The following KDM4C variants were observed in gnomAD, a reference collection of about 807,000 sequenced individuals.
KDM4C encodes the protein lysine-specific demethylase 4C.
A neutral mutation model predicts 129.3 loss-of-function variants in KDM4C; 81 were observed. The observed-to-expected ratio is 0.63, with a 90% CI of 0.52 to 0.75. The LOEUF (loss-of-function observed/expected upper bound fraction) is 0.75, where lower values mean the gene tolerates loss of function less well. Ranked by LOEUF, KDM4C falls within the 30% of genes least tolerant of loss-of-function variation. The pLI is 0.00. For synonymous variants in KDM4C, 573 were observed against 456.1 expected (o/e 1.26, Z -3.26); for missense variants, 1,457 against 1,304.0 (o/e 1.12, Z -1.81).
chr9:6,784,509 G>A (rs989384829), intron 1 of KDM4C, among the ~76,000 whole-genome samples: 3 of 152,150 alleles, frequency 2.0e-5, no homozygotes, highest in African/African-American at 4.8e-5. Context: ...TGAGATTACA[G>A]GTGTGAGCCA....
chr9:7,104,101 T>C (rs1251130488), intron 18 of KDM4C: 1 of 494,692 alleles, frequency 2.0e-6, no homozygotes, highest in African/African-American at 1.9e-5. Context: ...CTGAGTTGAA[T>C]GAGTGAATGA....
chr9:6,858,604 T>C (rs1427271817), intron 5 of KDM4C, among the ~76,000 whole-genome samples: 1 of 152,228 alleles, frequency 6.6e-6, no homozygotes, highest in Admixed American at 6.5e-5. Context: ...CAAAACCCTC[T>C]GTCTACTAAA....
intron 5 of KDM4C, among the ~76,000 whole-genome samples, chr9:6,865,787 G>T (rs1324928611): frequency 6.6e-6 from 1 of 150,762 alleles, no homozygotes; most frequent in East Asian, 2.0e-4. Flanking sequence ...GTCTCGCTCT[G>T]TCGCCCAGGC....
intron 1 of KDM4C, among the ~76,000 whole-genome samples, chr9:6,746,034 A>G (rs1255401454): frequency 6.6e-6 from 1 of 151,646 alleles, no homozygotes; most frequent in Non-Finnish European, 1.5e-5. Context: ...TTGAACCCCC[A>G]ACCTCAGGTG....
intron 1 of KDM4C, among the ~76,000 whole-genome samples, chr9:6,776,749 A>T (rs1823148466): frequency 1.3e-5 from 2 of 151,728 alleles, no homozygotes; most frequent in Non-Finnish European, 2.9e-5. Flanking sequence ...TTATAGGCAC[A>T]TACCACCACG....
At chr9:6,811,158 GTC>G (rs887638202) in intron 3 of KDM4C, among the ~76,000 whole-genome samples, 4 of 152,100 alleles carry the variant, frequency 2.6e-5, no homozygotes, top group African/African-American at 9.6e-5. Flanking sequence ...CTGCTGGGCT[GTC>G]TTTTTTTTTC....
At chr9:6,926,224 G>GC (rs36170611) in intron 8 of KDM4C, among the ~76,000 whole-genome samples, 35,054 of 151,366 alleles carry the variant, frequency 0.23, 4,735 homozygotes, top group Middle Eastern at 0.41. Context: ...GAGGCTGTAG[G>GC]ACTCAACTGT....
chr9:7,024,978 C>T (rs1375669937), intron 15 of KDM4C, among the ~76,000 whole-genome samples: 1 of 152,210 alleles, frequency 6.6e-6, no homozygotes, highest in African/African-American at 2.4e-5. Flanking sequence ...TATTTCTCCA[C>T]ATCCTCTCCA....
In KDM4C at chr9:6,803,707, A is replaced by C. The variant is rs969619551; in HGVS notation, c.145-1892A>C. Among the ~76,000 whole-genome samples the C allele has an allele frequency of 2.9e-4, 44 of 151,910 alleles. 1 individual carries two copies. The highest frequency in any genetic ancestry group is 1.0e-3 in the African/African-American group (42 of 41,456). On this transcript the variant is annotated intron_variant, in intron 2 of 21. Coordinates refer to ENST00000381309, the MANE Select transcript of KDM4C (RefSeq NM_015061.6). ...CAGATCAGTTGAGCTCAGGAATTTG[A>C]GACCAGCCTGGGCAACATGGCGAAA... is the stretch of plus-strand genomic sequence containing the variant.
At chr9:6,763,851 A>T (rs1209731007) in intron 1 of KDM4C, among the ~76,000 whole-genome samples, 2 of 152,140 alleles carry the variant, frequency 1.3e-5, no homozygotes, top group Non-Finnish European at 2.9e-5. Flanking sequence ...TCCGCCTCCC[A>T]GTTTCAAGCA....
At chr9:6,900,658 C>T (rs1200034265) in intron 8 of KDM4C, among the ~76,000 whole-genome samples, 1 of 152,206 alleles carries the variant, frequency 6.6e-6, no homozygotes, top group African/African-American at 2.4e-5. Context: ...AGCCAATGGA[C>T]ATGTTATTTT....
chr9:6,804,086 G>A (rs1004117024), intron 2 of KDM4C, among the ~76,000 whole-genome samples: 4 of 152,192 alleles, frequency 2.6e-5, no homozygotes, highest in Non-Finnish European at 5.9e-5. Context: ...GCCTCCCAAA[G>A]TGCTAAGGTT....
chr9:6,843,044 C>T (rs1320751317), intron 4 of KDM4C, among the ~76,000 whole-genome samples: 1 of 152,200 alleles, frequency 6.6e-6, no homozygotes, highest in Non-Finnish European at 1.5e-5. Flanking sequence ...ATTCTCGTGC[C>T]TCAGCCTCCC....
At chr9:6,959,189 C>T (rs1829617934) in intron 8 of KDM4C, among the ~76,000 whole-genome samples, 1 of 152,140 alleles carries the variant, frequency 6.6e-6, no homozygotes, top group Admixed American at 6.5e-5. Context: ...AGAAGAGGAG[C>T]ACTAGAGAGC....
intron 5 of KDM4C, among the ~76,000 whole-genome samples, chr9:6,850,716 G>A (rs1338012099): frequency 2.0e-5 from 3 of 151,752 alleles, no homozygotes; most frequent in Non-Finnish European, 4.4e-5. Context: ...ACAGGCATGA[G>A]CCACCACACC....
chr9:6,916,189 G>C (rs1355083677), intron 8 of KDM4C, among the ~76,000 whole-genome samples: 3 of 152,030 alleles, frequency 2.0e-5, no homozygotes, highest in African/African-American at 7.3e-5. Flanking sequence ...TGTTTAGAAG[G>C]GTGGGTGGAG....
intron 2 of KDM4C, among the ~76,000 whole-genome samples, chr9:6,802,392 A>G (rs1031611379): frequency 4.6e-5 from 7 of 152,132 alleles, no homozygotes; most frequent in Non-Finnish European, 8.8e-5. Context: ...CAGTAATTTG[A>G]CTCTTAGAAG....
At chr9:7,006,203 G>T (rs1319691796) in intron 12 of KDM4C, among the ~76,000 whole-genome samples, 1 of 152,166 alleles carries the variant, frequency 6.6e-6, no homozygotes, top group Non-Finnish European at 1.5e-5. Flanking sequence ...GAGTTTCTCT[G>T]AATGTCTTAA....
chr9:6,789,702 A>G (rs966741284), intron 1 of KDM4C, among the ~76,000 whole-genome samples: 1 of 151,734 alleles, frequency 6.6e-6, no homozygotes, highest in Non-Finnish European at 1.5e-5. Context: ...TGTGTATACT[A>G]TATAGAGTGA....
Sources: allele counts gnomAD v4.1 joint callset (sites outside exome capture counted in the v4.1 genomes callset), GRCh38; gene constraint gnomAD v4.1.1; transcripts MANE v1.5; gene names NCBI Gene and HGNC (gene_info 2026-07-23, HGNC 2026-07-21).